MALRD1: variants seen among roughly 807,000 people sequenced by gnomAD.
The protein encoded by MALRD1 is MAM and LDL-receptor class A domain-containing protein 1.
Under a neutral mutation model 242.1 loss-of-function variants are expected in MALRD1, and 247 were observed. The ratio of observed to expected loss-of-function variants is 1.02; its 90% CI spans 0.92 to 1.13. MALRD1 has a LOEUF of 1.13. Ranked by LOEUF, MALRD1 falls within the 50% of genes most tolerant of loss-of-function variation. The pLI is 0.00. For missense variants in MALRD1, 2,989 were observed against 2,533.1 expected (o/e 1.18, Z -3.86); for synonymous variants, 995 against 866.6 (o/e 1.15, Z -2.60).
intron 28 of MALRD1, among the ~76,000 whole-genome samples, chr10:19,441,262 T>C (rs890557659): frequency 1.3e-5 from 2 of 152,202 alleles, no homozygotes; most frequent in African/African-American, 2.4e-5. Flanking sequence ...ATGGGTAGAT[T>C]GTAAAAATTT....
intron 39 of MALRD1, among the ~76,000 whole-genome samples, chr10:19,732,042 G>A (rs1201261166): frequency 6.6e-6 from 1 of 151,864 alleles, no homozygotes; most frequent in Non-Finnish European, 1.5e-5. Flanking sequence ...TGTTTTGGTA[G>A]GAATGAAAAC....
intron 36 of MALRD1, among the ~76,000 whole-genome samples, chr10:19,639,350 G>A (rs935807562): frequency 6.6e-6 from 1 of 152,140 alleles, no homozygotes; most frequent in African/African-American, 2.4e-5. Flanking sequence ...CTGAGATGGA[G>A]TTAAAATGAA....
intron 14 of MALRD1, among the ~76,000 whole-genome samples, chr10:19,177,166 G>C (rs567698172): frequency 6.6e-6 from 1 of 151,784 alleles, no homozygotes; most frequent in South Asian, 2.1e-4. Flanking sequence ...TGTAGTCCCA[G>C]CTACTAGGGA....
chr10:19,260,913 A>C (rs1312425396), intron 19 of MALRD1, among the ~76,000 whole-genome samples: 2 of 152,296 alleles, frequency 1.3e-5, no homozygotes, highest in East Asian at 3.9e-4. Context: ...TACAATCTCC[A>C]GTTTACAGAT....
chr10:19,707,341 G>A (rs1057255838), intron 38 of MALRD1, among the ~76,000 whole-genome samples: 4 of 151,966 alleles, frequency 2.6e-5, no homozygotes, highest in African/African-American at 7.3e-5. Context: ...CCACACCTTC[G>A]TAAATTGCCA....
intron 28 of MALRD1, among the ~76,000 whole-genome samples, chr10:19,417,281 A>C (rs763489973): frequency 1.3e-5 from 2 of 152,110 alleles, no homozygotes; most frequent in African/African-American, 2.4e-5. Flanking sequence ...CTGCCTAATC[A>C]ATTGGATTTA....
At chr10:19,306,075 CTATATACTA>C (rs756196876) in intron 21 of MALRD1, among the ~76,000 whole-genome samples, 1 of 111,804 alleles carries the variant, frequency 8.9e-6, no homozygotes, top group African/African-American at 3.6e-5. Flanking sequence ...ACTATATATA[CTATATACTA>C]TATATACTAT....
intron 18 of MALRD1, among the ~76,000 whole-genome samples, chr10:19,247,911 GAGA>G (rs1839134915): frequency 6.6e-6 from 1 of 152,010 alleles, no homozygotes; most frequent in Admixed American, 6.6e-5. Context: ...TCAGAACCAG[GAGA>G]AGTTCAGAGA....
intron 1 of MALRD1, among the ~76,000 whole-genome samples, chr10:19,060,565 G>T (rs1180075569): frequency 6.6e-6 from 1 of 152,002 alleles, no homozygotes; most frequent in East Asian, 1.9e-4. Context: ...CTCCCATTGT[G>T]GTTTTCCAAT....
chr10:19,517,678 G>A (rs1242488301), intron 31 of MALRD1, among the ~76,000 whole-genome samples: 1 of 152,128 alleles, frequency 6.6e-6, no homozygotes, highest in Non-Finnish European at 1.5e-5. Context: ...ATTGGATCCA[G>A]TCCAGTTTTG....
intron 38 of MALRD1, among the ~76,000 whole-genome samples, chr10:19,714,630 C>T (rs2131883739): frequency 6.6e-6 from 1 of 152,246 alleles, no homozygotes; most frequent in Middle Eastern, 3.4e-3. Flanking sequence ...CTTTTCTACC[C>T]AGCACTTCCC....
intron 18 of MALRD1, among the ~76,000 whole-genome samples, chr10:19,237,646 TATTATAA>T (rs1838407283): frequency 9.8e-6 from 1 of 101,562 alleles, no homozygotes; most frequent in Non-Finnish European, 1.8e-5. Context: ...ATATATAAAT[TATTATAA>T]TTATATATAA....
At chr10:19,677,596 A>T (rs909506993) in intron 36 of MALRD1, among the ~76,000 whole-genome samples, 2 of 151,884 alleles carry the variant, frequency 1.3e-5, no homozygotes, top group African/African-American at 2.4e-5. Flanking sequence ...AGTTGCAAAA[A>T]TTTTCTCCCA....
At chr10:19,245,317 T>C (rs1321908399) in intron 18 of MALRD1, among the ~76,000 whole-genome samples, 2 of 152,164 alleles carry the variant, frequency 1.3e-5, no homozygotes, top group African/African-American at 4.8e-5. Context: ...AATGATTTTT[T>C]TGTGTAGTCT....
chr10:19,410,975 G>A (rs187421308), intron 28 of MALRD1, among the ~76,000 whole-genome samples: 4 of 152,036 alleles, frequency 2.6e-5, no homozygotes, highest in African/African-American at 7.2e-5. Flanking sequence ...TCTTAATTGG[G>A]CATTTTTGGT....
intron 29 of MALRD1, among the ~76,000 whole-genome samples, chr10:19,485,688 A>G (rs1837207702): frequency 6.6e-6 from 1 of 151,898 alleles, no homozygotes; most frequent in Non-Finnish European, 1.5e-5. Flanking sequence ...AGATCAGTGT[A>G]GCTTTTTAAA....
intron 26 of MALRD1, among the ~76,000 whole-genome samples, chr10:19,385,388 A>G (rs1184476350): frequency 6.6e-6 from 1 of 152,008 alleles, no homozygotes; most frequent in Non-Finnish European, 1.5e-5. Context: ...CTTTCCTTTA[A>G]TGGGAGGGTT....
At chr10:19,134,577 T>C (rs1380167642) in intron 9 of MALRD1, among the ~76,000 whole-genome samples, 1 of 152,232 alleles carries the variant, frequency 6.6e-6, no homozygotes, top group Non-Finnish European at 1.5e-5. Flanking sequence ...AAAATGATGA[T>C]ACTGATTATA....
intron 33 of MALRD1, among the ~76,000 whole-genome samples, chr10:19,581,884 G>T: frequency 6.6e-6 from 1 of 152,100 alleles, no homozygotes; most frequent in Non-Finnish European, 1.5e-5. Flanking sequence ...AGCACCTGTT[G>T]TTTCCTGACT....
Sources: gnomAD v4.1 joint callset for allele counts (sites outside exome capture counted in the v4.1 genomes callset) on GRCh38, gnomAD v4.1.1 for gene constraint, MANE v1.5 for transcripts, NCBI Gene and HGNC (gene_info 2026-07-23, HGNC 2026-07-21) for gene names.